The following ADCY4 variants were observed in gnomAD, a reference collection of about 807,000 sequenced individuals.
The protein encoded by ADCY4 is adenylate cyclase type 4.
In ADCY4, 111 loss-of-function variants were observed where a neutral mutation model predicts 125.5. The observed-to-expected ratio is 0.88, with a 90% CI of 0.76 to 1.04. The LOEUF is 1.04. Among genes scored for constraint, ADCY4 ranks in the 50% least tolerant of loss-of-function variants. The pLI is 0.00. For missense variants in ADCY4, 1,256 were observed against 1,382.9 expected (o/e 0.91, Z 1.46); for synonymous variants, 576 against 586.9 (o/e 0.98, Z 0.27).
chr14:24,327,828 G>A (rs2041972535), intron 10 of ADCY4, among the ~76,000 whole-genome samples: 1 of 152,190 alleles, frequency 6.6e-6, no homozygotes, highest in African/African-American at 2.4e-5. Context: ...AGGCACCGAG[G>A]CAAGAGACAG....
At position 24,325,836 on chromosome 14, in the gene ADCY4, C is replaced by T. The variant is rs1253107559; in HGVS notation, c.1707G>A (p.Glu569=). ...DFNPLTLYFR[E]KEMEKEYRLS... The stretch of plus-strand genomic sequence containing the variant: ...AGCCCACCTCTTTCTCCATCTCCTT[C>T]TCTCTGAAGTACAGTGTCAGTGGGT... Residue 569 remains glutamate, a synonymous_variant, in exon 13 of 25, where the codon GAG becomes GAA. Transcript: ENST00000418030. 2 of 1,598,070 alleles carry T rather than the reference C, an allele frequency of 1.3e-6. No homozygotes were observed. Among genetic ancestry groups the T allele is most frequent in the Admixed American group, 1.7e-5 (1 of 58,358 alleles).
Position 24,319,726 on chromosome 14 carries a change from C to A in ADCY4, c.2733+16G>T. On this transcript the variant is annotated intron_variant, in intron 21 of 24. Transcript: ENST00000418030. The surrounding 1 kb of genome is among the most constrained non-coding windows in gnomAD (Gnocchi z 4.5). Reference sequence around the variant, plus strand: ...AATCTAGGACATAGGGTCTGGGAGACTCTTGGAATTTTCACCTCATCAAAA... The same window carrying A: ...AATCTAGGACATAGGGTCTGGGAGAATCTTGGAATTTTCACCTCATCAAAA... 6.2e-7 allele frequency: 1 copy of A among 1,613,994 alleles called. No individual in the cohort carries two copies. The highest frequency in any genetic ancestry group is 8.5e-7 in the Non-Finnish European group (1 of 1,179,986).
rs150445631 is a variant in ADCY4, at chr14:24,322,971, G to A, written c.2275C>T (p.Leu759=). The part of the protein sequence containing the change: ...LWLAASCSLF[L]HSHAWLSECL... The stretch of plus-strand genomic sequence containing the variant: ...TCCGACAGCCAGGCATGGGAGTGCA[G>A]GAAGAGGGAGCAGGATGCCGCCAGC... Residue 759 remains leucine (L), a synonymous_variant, in exon 18 of 25, where the codon CTG becomes TTG. Coordinates refer to ENST00000418030, the MANE Select transcript of ADCY4 (RefSeq NM_001198568.2). The A allele has an allele frequency of 2.2e-4, 356 of 1,613,958 alleles. 3 individuals carry two copies. In the East Asian group the frequency reaches 3.7e-3, roughly 17 times the overall value.
intron 4 of ADCY4, 156 bp from the exon 5 acceptor site, chr14:24,331,512 C>A: frequency 3.9e-6 from 4 of 1,024,376 alleles, no homozygotes; most frequent in Non-Finnish European, 5.5e-6. Flanking sequence ...CCCAGCACTC[C>A]ATCCTACACT....
chr14:24,323,758 C>G, intron 16 of ADCY4: 5 of 699,084 alleles, frequency 7.2e-6, no homozygotes, highest in Non-Finnish European at 8.8e-6. Context: ...TCCCAGGTGC[C>G]CACCAGGAAT....
chr14:24,322,871 G>C, intron 18 of ADCY4, 33 bp downstream of exon 18: 1 of 1,562,374 alleles, frequency 6.4e-7, no homozygotes, highest in Non-Finnish European at 8.7e-7. Flanking sequence ...CATCCCAGGG[G>C]GCCCGGCACC....
chr14:24,319,118 T>TTGAA lies in ADCY4; in HGVS notation c.2932_2935dup (p.Asn979IlefsTer28), dbSNP rs1341565682. The TTGAA allele has an allele frequency of 1.2e-6, 2 of 1,614,002 alleles. No individual in the cohort carries two copies. The highest frequency in any genetic ancestry group is 1.1e-5 in the South Asian group (1 of 91,080). ...CTCACCCACTCGCAGGCGGAAGTTGTTGAATGAATGCTTGTTGATGACGTC... is the reference window on the plus strand; with the variant it reads ...CTCACCCACTCGCAGGCGGAAGTTGTTGAATGAATGAATGCTTGTTGATGACGTC... On this transcript the variant is annotated frameshift_variant, in exon 23 of 25. Coordinates refer to ENST00000418030, the MANE Select transcript of ADCY4 (RefSeq NM_001198568.2). LOFTEE classifies it high-confidence loss of function. This position sits in a 1 kb window ranked among gnomAD's most constrained non-coding sequence, Gnocchi z 4.5.
intron 14 of ADCY4, among the ~76,000 whole-genome samples, chr14:24,324,790 G>A (rs766942569): frequency 4.6e-5 from 7 of 151,548 alleles, no homozygotes; most frequent in East Asian, 1.9e-4. Flanking sequence ...TGCAAACTCC[G>A]CCTCCCGGGT....
rs942481092 is a variant in ADCY4 at position 24,319,829 on chromosome 14, G to A, written c.2646C>T (p.Phe882=). ...TGTTGGATTCAGAGTAGAACTCCTT[G>A]AAGTCTGGGACTGAGGCGAAGAGGA... ...VCVLFASVPD[F]KEFYSESNIN... Residue 882 remains phenylalanine, a synonymous_variant, in exon 21 of 25, where the codon TTC becomes TTT. Transcript: ENST00000418030. The surrounding 1 kb of genome is among the most constrained non-coding windows in gnomAD (Gnocchi z 4.5). 1 of 1,614,016 alleles carries A rather than the reference G, an allele frequency of 6.2e-7. No individual in the cohort carries two copies. Among genetic ancestry groups the A allele is most frequent in the African/African-American group, 1.3e-5 (1 of 74,918 alleles).
chr14:24,332,073 C>A, intron 3 of ADCY4, 136 bp from the exon 4 acceptor site: 1 of 1,145,240 alleles, frequency 8.7e-7, no homozygotes, highest in South Asian at 2.1e-5. Context: ...CAAGTGGTGC[C>A]ACACTGTGGC....
chr14:24,333,387 A>ATT (rs112568342), intron 1 of ADCY4, among the ~76,000 whole-genome samples: 118 of 145,540 alleles, frequency 8.1e-4, no homozygotes, highest in African/African-American at 2.7e-3. Flanking sequence ...CGCCCAGCTA[A>ATT]TTTTTTTTTT....
chr14:24,328,234 G>T (rs901513629), intron 10 of ADCY4, among the ~76,000 whole-genome samples: 4 of 120,808 alleles, frequency 3.3e-5, no homozygotes, highest in African/African-American at 1.1e-4. Context: ...AGCGGGGTGG[G>T]GGGGGGGGTC....
intron 18 of ADCY4, 55 bp downstream of exon 18, chr14:24,322,848 TC>T (rs1243319298): frequency 1.3e-6 from 2 of 1,548,014 alleles, no homozygotes; most frequent in Non-Finnish European, 1.7e-6. Context: ...CTCTGCTGTA[TC>T]CCATCTCACC....
Position 24,330,195 on chromosome 14 carries a change from A to G in ADCY4, c.1031T>C (p.Met344Thr), listed in dbSNP as rs759790604. Residue 344 changes from methionine (M) to threonine (T), a missense_variant, in exon 7 of 25, where the codon ATG (methionine) becomes ACG (threonine). By Grantham distance (81) the Met-to-Thr change is moderately conservative. Transcript: ENST00000418030. ...LPDHAINCVR[M>T]GLDMCRAIRK... ...GATGGCCCGGCACATGTCCAGGCCCATGCGCACGCAGTTGATGGCATGGTC... is the reference window on the plus strand; with the variant it reads ...GATGGCCCGGCACATGTCCAGGCCCGTGCGCACGCAGTTGATGGCATGGTC... The G allele has an allele frequency of 6.2e-7, 1 of 1,614,144 alleles. No homozygotes were observed. The highest frequency in any genetic ancestry group is 2.2e-5 in the East Asian group (1 of 44,876).
Position 24,334,525 on chromosome 14 carries a change from G to A in ADCY4, c.128C>T (p.Ala43Val), listed in dbSNP as rs922941789. The change falls in exon 1 of 25, where the codon GCG becomes GTG. Residue 43 changes from alanine to valine, a missense_variant. Coordinates refer to ENST00000418030, the MANE Select transcript of ADCY4 (RefSeq NM_001198568.2). The part of the protein sequence containing the change: ...LLGIVLCALA[A>V]LLAVAWASGR... ...GCTGGCCCAGGCCACTGCGAGCAGCGCCGCGAGCGCACAGAGCACGATCCC... is the reference window on the plus strand; with the variant it reads ...GCTGGCCCAGGCCACTGCGAGCAGCACCGCGAGCGCACAGAGCACGATCCC... 1.3e-6 allele frequency: 2 copies of A among 1,582,384 alleles called. No individual in the cohort carries two copies. The highest frequency in any genetic ancestry group is 4.6e-5 in the East Asian group (2 of 43,550).
intron 4 of ADCY4, 30 bp downstream of exon 4, chr14:24,331,758 G>A (rs374349669): frequency 4.3e-5 from 66 of 1,534,384 alleles, no homozygotes; most frequent in Non-Finnish European, 5.7e-5. Context: ...CCCTCGGAGC[G>A]CTGCTCTGAC....
rs199860085 is a variant in ADCY4 at position 24,326,049 on chromosome 14, G to A, written c.1655+30C>T. The A allele has an allele frequency of 1.6e-4, 255 of 1,565,906 alleles. 1 individual carries two copies. In the East Asian group the frequency reaches 4.7e-3, roughly 29 times the overall value. On this transcript the variant is annotated intron_variant, in intron 12 of 24. Transcript: ENST00000418030. The stretch of plus-strand genomic sequence containing the variant: ...TCCACCATATGACCTCAGGGCCTGC[G>A]GCCCCCCCAGCCCTCTTTGTTCTCC...
At chr14:24,324,651 G>A (rs985606369) in intron 14 of ADCY4, among the ~76,000 whole-genome samples, 1 of 152,206 alleles carries the variant, frequency 6.6e-6, no homozygotes, top group East Asian at 1.9e-4. Context: ...TGAGGCTACG[G>A]CAGACTGATC....
chr14:24,331,975 G>A (rs2042048602), intron 3 of ADCY4, 38 bp from the exon 4 acceptor site: 2 of 1,498,530 alleles, frequency 1.3e-6, no homozygotes, highest in African/African-American at 1.4e-5. Flanking sequence ...CGCGGGACCC[G>A]GGTGCTTGTC....
Sources: allele counts gnomAD v4.1 joint callset (sites outside exome capture counted in the v4.1 genomes callset), GRCh38; gene constraint gnomAD v4.1.1; non-coding constraint Gnocchi (gnomAD v3.1); transcripts MANE v1.5; gene names NCBI Gene and HGNC (gene_info 2026-07-23, HGNC 2026-07-21).